The following ASPH variants were observed in gnomAD, a reference collection of about 807,000 sequenced individuals.
ASPH encodes aspartate beta-hydroxylase.
ASPH carries 100 observed loss-of-function variants against 118.4 expected under a neutral mutation model. The observed-to-expected ratio is 0.84, with a 90% CI of 0.72 to 1.00. ASPH has a LOEUF of 1.00. ASPH is among the 50% of genes least tolerant of loss of function. The probability of loss-of-function intolerance (pLI) is 0.00; values close to 1 mark genes in which losing one functional copy is unlikely to be tolerated. For missense variants in ASPH, 920 were observed against 919.5 expected (o/e 1.00, Z -0.01); for synonymous variants, 315 against 325.6 (o/e 0.97, Z 0.35).
intron 7 of ASPH, 43 bp from the exon 8 acceptor site, chr8:61,644,044 G>T (rs1297285921): frequency 7.0e-7 from 1 of 1,427,130 alleles, no homozygotes; most frequent in Admixed American, 1.8e-5. Context: ...CTCAAATAAG[G>T]AATACATGTA....
chr8:61,580,053 G>A lies in ASPH; in HGVS notation c.1063-3195C>T, dbSNP rs117536263. 7.2e-3 allele frequency among the ~76,000 whole-genome samples: 1,099 copies of A among 152,224 alleles called. 5 individuals carry two copies. The highest frequency in any genetic ancestry group is 0.012 in the Non-Finnish European group (839 of 68,012). On this transcript the variant is annotated intron_variant, in intron 15 of 24. Transcript: ENST00000379454. ...CCTTTGACTCCATGTCTCACATCCA[G>A]GTCATGCTGATACAAGTGGTGGGCT...
Position 61,651,891 on chromosome 8 carries a change from T to C in ASPH, c.416-767A>G, listed in dbSNP as rs555495460. On this transcript the variant is annotated intron_variant, in intron 4 of 24. Coordinates refer to ENST00000379454, the MANE Select transcript of ASPH (RefSeq NM_004318.4). ...TAAGTTCTCTAATAAATATAATCTA[T>C]GTTCAGTGAATAGAAGTAGCACTAC... 5.9e-5 allele frequency among the ~76,000 whole-genome samples: 9 copies of C among 152,340 alleles called. No individual in the cohort carries two copies. In the East Asian group the frequency reaches 1.7e-3, roughly 29 times the overall value.
intron 16 of ASPH, 200 bp downstream of exon 16, chr8:61,576,572 T>C (rs1260659476): frequency 6.3e-6 from 3 of 473,538 alleles, no homozygotes; most frequent in Non-Finnish European, 1.1e-5. Context: ...AGAGAAGTCA[T>C]ATGGAGGGGG....
chr8:61,681,047 G>C lies in ASPH; in HGVS notation c.254-11C>G. 1 of 1,577,418 alleles carries C rather than the reference G, an allele frequency of 6.3e-7. No homozygotes were observed. Among genetic ancestry groups the C allele is most frequent in the Non-Finnish European group, 8.6e-7 (1 of 1,162,108 alleles). On this transcript the variant is annotated splice_polypyrimidine_tract_variant and intron_variant, in intron 2 of 24. Transcript: ENST00000379454. ...AGATTCCTAGTTTTCCTATAATAGGGCAGAAATGATGGATATGGGAATAAA... is the reference window on the plus strand; with the variant it reads ...AGATTCCTAGTTTTCCTATAATAGGCCAGAAATGATGGATATGGGAATAAA...
intron 14 of ASPH, among the ~76,000 whole-genome samples, chr8:61,603,750 T>A (rs954081430): frequency 2.0e-5 from 3 of 152,094 alleles, no homozygotes; most frequent in Non-Finnish European, 4.4e-5. Context: ...AGGGGGGAAG[T>A]AAATTAATGA....
At chr8:61,638,389 A>C in intron 10 of ASPH, 26 bp from the exon 11 acceptor site, 1 of 1,528,292 alleles carries the variant, frequency 6.5e-7, no homozygotes. Flanking sequence ...CAGAAACAAA[A>C]TCCCGTAACT....
chr8:61,571,000 T>C (rs1833328823), intron 16 of ASPH, among the ~76,000 whole-genome samples: 1 of 152,222 alleles, frequency 6.6e-6, no homozygotes, highest in African/African-American at 2.4e-5. Flanking sequence ...ATAGTTTATA[T>C]ATGACTTAAT....
rs952333124 is a variant in ASPH at position 61,578,253 on chromosome 8, G to A, written c.1063-1395C>T. ...CAGGGTGATCCAGAAGTCCTACAAG[G>A]TGTCCACCTCTGGCCCCCGGGCCTT... On this transcript the variant is annotated intron_variant, in intron 15 of 24. Transcript: ENST00000379454. The A allele has an allele frequency of 8.8e-6, 14 of 1,583,990 alleles. No homozygotes were observed. The East Asian group carries it at 2.9e-4, about 33-fold the overall frequency.
chr8:61,521,523 T>C (rs76208802), intron 22 of ASPH, among the ~76,000 whole-genome samples: 13,547 of 152,182 alleles, frequency 0.089, 679 homozygotes, highest in Non-Finnish European at 0.12. Context: ...CCTAGGATTG[T>C]TGGTTTCCAA....
chr8:61,605,594 C>G (rs1845332080), intron 14 of ASPH, among the ~76,000 whole-genome samples: 1 of 152,146 alleles, frequency 6.6e-6, no homozygotes, highest in Non-Finnish European at 1.5e-5. Context: ...TGATTTCACA[C>G]TAGTAAGAGG....
At chr8:61,590,638 A>C (rs1840840201) in intron 14 of ASPH, among the ~76,000 whole-genome samples, 1 of 151,932 alleles carries the variant, frequency 6.6e-6, no homozygotes, top group African/African-American at 2.4e-5. Flanking sequence ...TTCAAGGAAA[A>C]TAATGTGCAT....
At chr8:61,548,295 G>T in intron 20 of ASPH, 87 bp from the exon 21 acceptor site, 2 of 1,393,660 alleles carry the variant, frequency 1.4e-6, no homozygotes, top group East Asian at 2.6e-5. Flanking sequence ...TAAAAATAAG[G>T]TATTACTTTG....
At chr8:61,577,222 T>G (rs1172037341) in intron 15 of ASPH, among the ~76,000 whole-genome samples, 1 of 151,894 alleles carries the variant, frequency 6.6e-6, no homozygotes, top group Non-Finnish European at 1.5e-5. Flanking sequence ...ATATACCTAA[T>G]GTACATGACG....
Position 61,661,949 on chromosome 8 carries a change from T to C in ASPH, c.323-8289A>G, listed in dbSNP as rs1239106202. ...TACCTATAAAATAAAATTGAAAGAC[T>C]TGTTTAAAAAAAAAATTCAAAAGAG... On this transcript the variant is annotated intron_variant, in intron 3 of 24. Coordinates refer to ENST00000379454, the MANE Select transcript of ASPH (RefSeq NM_004318.4). The C allele has an allele frequency of 6.9e-5, 31 of 448,722 alleles. No homozygotes were observed. In the East Asian group the frequency reaches 1.0e-3, roughly 15 times the overall value. 27.8% of individuals were successfully genotyped at this position (448,722 alleles called of 1,614,324 possible).
At chr8:61,626,091 A>T (rs1852671700) in intron 13 of ASPH, 1 of 1,247,148 alleles carries the variant, frequency 8.0e-7, no homozygotes, top group South Asian at 4.1e-5. Context: ...TGTGTTTCTA[A>T]AAAGAAAAAA....
chr8:61,664,964 T>C, intron 3 of ASPH: 3 of 1,145,336 alleles, frequency 2.6e-6, no homozygotes, highest in Non-Finnish European at 3.2e-6. Context: ...GTATTCAATA[T>C]ATTAATCCAT....
chr8:61,638,051 G>A, intron 11 of ASPH, 48 bp from the exon 12 acceptor site: 12 of 1,530,040 alleles, frequency 7.8e-6, no homozygotes, highest in Non-Finnish European at 1.1e-5. Context: ...GCTGACCAGT[G>A]ACACATCTTA....
In ASPH at chr8:61,603,078, A is replaced by T. The variant is rs569813969; in HGVS notation, c.976+15900T>A. Among the ~76,000 whole-genome samples the T allele has an allele frequency of 2.7e-5, 4 of 150,654 alleles. No individual in the cohort carries two copies. The South Asian group carries it at 6.3e-4, about 24-fold the overall frequency. Reference sequence around the variant, plus strand: ...TATGGTGGTCAGTGCCTATAATCCCAGCTGCTTGGGAGGCTGAGGCAGGAG... The same window carrying T: ...TATGGTGGTCAGTGCCTATAATCCCTGCTGCTTGGGAGGCTGAGGCAGGAG... On this transcript the variant is annotated intron_variant, in intron 14 of 24. Transcript: ENST00000379454.
At chr8:61,650,320 T>C (rs1810303935) in intron 5 of ASPH, among the ~76,000 whole-genome samples, 2 of 152,152 alleles carry the variant, frequency 1.3e-5, no homozygotes, top group Admixed American at 6.5e-5. Flanking sequence ...CTACAGGGCA[T>C]TGTTTGTTTT....
Sources: allele counts gnomAD v4.1 joint callset (sites outside exome capture counted in the v4.1 genomes callset), GRCh38; gene constraint gnomAD v4.1.1; transcripts MANE v1.5; gene names NCBI Gene and HGNC (gene_info 2026-07-23, HGNC 2026-07-21).